SLC9A9: variants seen among roughly 807,000 people sequenced by gnomAD.
SLC9A9 encodes sodium/hydrogen exchanger 9.
In SLC9A9, 62 loss-of-function variants were observed where a neutral mutation model predicts 77.8. The ratio of observed to expected loss-of-function variants is 0.80; its 90% CI spans 0.65 to 0.98. SLC9A9 has a LOEUF of 0.98. Among genes scored for constraint, SLC9A9 ranks in the 50% least tolerant of loss-of-function variants. The probability of loss-of-function intolerance (pLI) is 0.00; values close to 1 mark genes in which losing one functional copy is unlikely to be tolerated. For missense variants in SLC9A9, 775 were observed against 774.9 expected, an observed-to-expected ratio of 1.00 and a Z score of 0.00; for synonymous variants, 320 against 283.5, an observed-to-expected ratio of 1.13 and a Z score of -1.29.
chr3:143,674,829 A>G (rs984990853), intron 5 of SLC9A9, among the ~76,000 whole-genome samples: 4 of 152,220 alleles, frequency 2.6e-5, no homozygotes, highest in Admixed American at 6.5e-5. Flanking sequence ...AGTGCAATAA[A>G]TGATATCTAT....
intron 5 of SLC9A9, among the ~76,000 whole-genome samples, chr3:143,667,555 T>C (rs75094707): frequency 0.15 from 22,299 of 152,096 alleles, 2,398 homozygotes; most frequent in African/African-American, 0.31. Flanking sequence ...ACCTACAGAA[T>C]GGGAGAAAAT....
At position 143,588,335 on chromosome 3, in the gene SLC9A9, T is replaced by C. The variant is rs1188046512; in HGVS notation, c.756-9612A>G. Among the ~76,000 whole-genome samples, 3 of 152,186 alleles carry C rather than the reference T, an allele frequency of 2.0e-5. No homozygotes were observed. The East Asian group carries it at 5.8e-4, about 29-fold the overall frequency. ...GGCTTTCCTGTGCTAACCCAAATCCTGACATTGGAAATGTCTGAGCACGCA... is the reference window on the plus strand; with the variant it reads ...GGCTTTCCTGTGCTAACCCAAATCCCGACATTGGAAATGTCTGAGCACGCA... On this transcript the variant is annotated intron_variant, in intron 6 of 15. Transcript: ENST00000316549.
At chr3:143,627,609 T>C (rs2038354013) in intron 6 of SLC9A9, 2 of 312,994 alleles carry the variant, frequency 6.4e-6, no homozygotes, top group Non-Finnish European at 1.2e-5. Flanking sequence ...CAAAATGAAA[T>C]TGGAAGAGCC....
chr3:143,427,139 ATG>A (rs751820568), intron 12 of SLC9A9, among the ~76,000 whole-genome samples: 28 of 152,358 alleles, frequency 1.8e-4, no homozygotes, highest in Non-Finnish European at 2.6e-4. Context: ...TTACTGAGGA[ATG>A]TTTCACTTGC....
intron 12 of SLC9A9, among the ~76,000 whole-genome samples, chr3:143,431,696 T>C (rs1218709611): frequency 6.6e-6 from 1 of 152,108 alleles, no homozygotes; most frequent in South Asian, 2.1e-4. Context: ...TTAGCCAGGA[T>C]GGTCTTGATC....
At chr3:143,440,477 T>G (rs1484514980) in intron 12 of SLC9A9, among the ~76,000 whole-genome samples, 2 of 152,182 alleles carry the variant, frequency 1.3e-5, no homozygotes, top group Non-Finnish European at 2.9e-5. Flanking sequence ...GTCATATACA[T>G]GAAGGCTCCA....
intron 14 of SLC9A9, among the ~76,000 whole-genome samples, chr3:143,279,488 C>T (rs1021429827): frequency 2.6e-5 from 4 of 152,104 alleles, no homozygotes; most frequent in Non-Finnish European, 2.9e-5. Context: ...TAGGTATACA[C>T]GTGCCATGGT....
At chr3:143,594,480 G>A (rs1341883268) in intron 6 of SLC9A9, among the ~76,000 whole-genome samples, 1 of 152,182 alleles carries the variant, frequency 6.6e-6, no homozygotes, top group Non-Finnish European at 1.5e-5. Context: ...ATTGAGGAGT[G>A]TTAACCAGGT....
intron 14 of SLC9A9, 41 bp from the exon 15 acceptor site, chr3:143,269,021 G>T: frequency 6.9e-7 from 1 of 1,443,696 alleles, no homozygotes; most frequent in Non-Finnish European, 9.7e-7. Context: ...CAGGGAGTTA[G>T]GATTTAGGAA....
chr3:143,509,266 T>C (rs1490904092), intron 9 of SLC9A9, among the ~76,000 whole-genome samples: 1 of 152,220 alleles, frequency 6.6e-6, no homozygotes, highest in Non-Finnish European at 1.5e-5. Flanking sequence ...GACTATCAGA[T>C]AATTTTTATA....
chr3:143,620,935 A>G (rs1005567754), intron 6 of SLC9A9, among the ~76,000 whole-genome samples: 1 of 152,134 alleles, frequency 6.6e-6, no homozygotes, highest in Admixed American at 6.5e-5. Context: ...CGCTTTTCCA[A>G]TGGTCTTAGC....
intron 4 of SLC9A9, among the ~76,000 whole-genome samples, chr3:143,732,504 G>A (rs1172088457): frequency 6.6e-6 from 1 of 152,190 alleles, no homozygotes; most frequent in African/African-American, 2.4e-5. Flanking sequence ...GAAAGAAAGA[G>A]CTTTCTACAA....
intron 6 of SLC9A9, among the ~76,000 whole-genome samples, chr3:143,639,872 T>C (rs888456410): frequency 4.6e-5 from 7 of 152,152 alleles, no homozygotes; most frequent in Non-Finnish European, 7.3e-5. Flanking sequence ...GAAATCCCGA[T>C]GACAGTAATT....
intron 11 of SLC9A9, among the ~76,000 whole-genome samples, chr3:143,472,853 A>G (rs2035401466): frequency 6.6e-6 from 1 of 152,200 alleles, no homozygotes; most frequent in African/African-American, 2.4e-5. Flanking sequence ...CCTTGTTATT[A>G]TTTATTGAGA....
chr3:143,302,775 G>T (rs1398773514), intron 14 of SLC9A9, among the ~76,000 whole-genome samples: 1 of 152,216 alleles, frequency 6.6e-6, no homozygotes, highest in Non-Finnish European at 1.5e-5. Flanking sequence ...GCTCAAGACA[G>T]GCAGAACTGG....
chr3:143,650,280 T>C (rs907486335), intron 6 of SLC9A9, among the ~76,000 whole-genome samples: 1 of 152,218 alleles, frequency 6.6e-6, no homozygotes, highest in East Asian at 1.9e-4. Flanking sequence ...AATATGGCTT[T>C]CCTAAGGGAA....
intron 2 of SLC9A9, among the ~76,000 whole-genome samples, chr3:143,802,122 A>G (rs888309353): frequency 2.0e-5 from 3 of 152,048 alleles, no homozygotes; most frequent in Admixed American, 6.6e-5. Context: ...GGTCACTTCC[A>G]CCTACTCCCC....
chr3:143,333,920 CA>C (rs34075878), intron 14 of SLC9A9, among the ~76,000 whole-genome samples: 88,330 of 151,922 alleles, frequency 0.58, 27,642 homozygotes, highest in African/African-American at 0.82. Context: ...AGGGAAACTT[CA>C]AGTGGATGTC....
intron 14 of SLC9A9, among the ~76,000 whole-genome samples, chr3:143,358,365 G>T (rs533544774): frequency 5.8e-4 from 89 of 152,262 alleles, no homozygotes; most frequent in African/African-American, 2.0e-3. Flanking sequence ...GTGTCAACTT[G>T]CCAATCCATT....
Sources: gnomAD v4.1 joint callset for allele counts (sites outside exome capture counted in the v4.1 genomes callset) on GRCh38, gnomAD v4.1.1 for gene constraint, MANE v1.5 for transcripts, NCBI Gene and HGNC (gene_info 2026-07-23, HGNC 2026-07-21) for gene names.